RCE1: variants seen among roughly 807,000 people sequenced by gnomAD.
The protein encoded by RCE1 is Ras converting CAAX endopeptidase 1, also known as CAAX prenyl protease 2.
Under a neutral mutation model 35.0 loss-of-function variants are expected in RCE1, and 15 were observed. That is an observed-to-expected ratio of 0.43 (90% CI 0.29 to 0.66). The LOEUF is 0.66. Ranked by LOEUF, RCE1 falls within the 30% of genes least tolerant of loss-of-function variation. The probability of loss-of-function intolerance (pLI) is 0.17; values close to 1 mark genes in which losing one functional copy is unlikely to be tolerated. For missense variants in RCE1, 434 were observed against 433.0 expected, an observed-to-expected ratio of 1.00 and a Z score of -0.02; for synonymous variants, 261 against 192.7, an observed-to-expected ratio of 1.35 and a Z score of -2.94.
At chr11:66,845,602 G>A (rs1417483760) in intron 7 of RCE1, 40 bp downstream of exon 7, 1 of 1,611,722 alleles carries the variant, frequency 6.2e-7, no homozygotes, top group South Asian at 1.1e-5. Flanking sequence ...GGGGCCCACA[G>A]GAGCGGGTGG....
At position 66,843,781 on chromosome 11, in the gene RCE1, C is replaced by T; in HGVS notation, c.208C>T (p.Arg70Ter). ...LPRDHPAVIK[R>*]RFTSVLVVSS... The stretch of plus-strand genomic sequence containing the variant: ...TAGGGACCATCCCGCGGTCATCAAG[C>T]GACGCTTCACCAGCGTCCTGGTGGT... The change falls in exon 2 of 8, where the codon CGA becomes TGA. Residue 70 changes from arginine (R) to a stop codon, truncating the protein, a stop_gained. Coordinates refer to ENST00000309657, the MANE Select transcript of RCE1 (RefSeq NM_005133.3). LOFTEE classifies it high-confidence loss of function. 1 of 1,613,866 alleles carries T rather than the reference C, an allele frequency of 6.2e-7. No individual in the cohort carries two copies. The highest frequency in any genetic ancestry group is 8.5e-7 in the Non-Finnish European group (1 of 1,180,018).
Position 66,844,747 on chromosome 11 carries a change from A to G in RCE1, c.452-122A>G. On this transcript the variant is annotated intron_variant, in intron 4 of 7. Transcript: ENST00000309657. The stretch of plus-strand genomic sequence containing the variant: ...TTGGGTCCACACCCCCGTCCTCAGC[A>G]GTATTGATGCCTAACCTGAGTTTGG... The G allele has an allele frequency of 2.3e-6, 3 of 1,333,040 alleles. No homozygotes were observed. In the South Asian group the frequency reaches 4.9e-5, roughly 22 times the overall value. 82.6% of individuals were successfully genotyped at this position (1,333,040 alleles called of 1,614,324 possible).
intron 7 of RCE1, 28 bp downstream of exon 7, chr11:66,845,590 T>C (rs919092303): frequency 6.2e-7 from 1 of 1,613,680 alleles, no homozygotes; most frequent in South Asian, 1.1e-5. Flanking sequence ...CATGGGTCCC[T>C]GGGGGCCCAC....
rs1481384810 is a variant in RCE1 at position 66,843,559 on chromosome 11, G to A, written c.104G>A (p.Cys35Tyr). 6.4e-7 allele frequency: 1 copy of A among 1,573,366 alleles called. No individual in the cohort carries two copies. Residue 35 changes from cysteine (C) to tyrosine (Y), a missense_variant, in exon 1 of 8, where the codon TGC (cysteine) becomes TAC (tyrosine). Physicochemically the swap from Cys to Tyr is radical, Grantham distance 194. Coordinates refer to ENST00000309657, the MANE Select transcript of RCE1 (RefSeq NM_005133.3). ...ALGGLGPGLC[C>Y]WVSVFSCLSL... The stretch of plus-strand genomic sequence containing the variant: ...GGCGGCCTGGGCCCCGGGCTGTGCT[G>A]CTGGGTGTCAGTGTTCTCCTGCCTC...
chr11:66,844,130 G>A (rs1439439314), intron 3 of RCE1, 91 bp downstream of exon 3: 14 of 1,599,722 alleles, frequency 8.8e-6, no homozygotes, highest in African/African-American at 1.3e-5. Flanking sequence ...TTTGGTTGAT[G>A]GGAGACAGGA....
Position 66,846,312 on chromosome 11 carries a change from G to A in RCE1, c.*217G>A. ...AAGGGGTGTTTACGAGCAGCTGTGA[G>A]TGAGGGGACAAGGGGCAGGTCCCAG... On this transcript the variant is annotated 3_prime_UTR_variant, in exon 8 of 8. Coordinates refer to ENST00000309657, the MANE Select transcript of RCE1 (RefSeq NM_005133.3). 1 of 567,002 alleles carries A rather than the reference G, an allele frequency of 1.8e-6. No individual in the cohort carries two copies. Among genetic ancestry groups the A allele is most frequent in the South Asian group, 2.7e-5 (1 of 36,920 alleles). 35.1% of individuals were successfully genotyped at this position (567,002 alleles called of 1,614,324 possible). A position where few individuals can be genotyped will look rare whatever the true frequency, so the allele number is the denominator to read the frequency against.
At position 66,843,755 on chromosome 11, in the gene RCE1, G is replaced by C. The variant is rs777260015; in HGVS notation, c.186-4G>C. 6.2e-7 allele frequency: 1 copy of C among 1,613,328 alleles called. No homozygotes were observed. Among genetic ancestry groups the C allele is most frequent in the African/African-American group, 1.3e-5 (1 of 75,050 alleles). ...GCCCCCTGAACTTACTGTCCCCTCC[G>C]TAGGGACCATCCCGCGGTCATCAAG... On this transcript the variant is annotated splice_polypyrimidine_tract_variant and splice_region_variant and intron_variant, in intron 1 of 7. Transcript: ENST00000309657.
intron 1 of RCE1, 42 bp from the exon 2 acceptor site, chr11:66,843,717 T>G (rs747446423): frequency 3.5e-5 from 57 of 1,607,920 alleles, no homozygotes; most frequent in Non-Finnish European, 4.7e-5. Context: ...TCCGTGCTCA[T>G]GGGCAGCCGC....
Position 66,843,578 on chromosome 11 carries a change from C to G in RCE1, c.123C>G (p.Ser41=). Reference sequence around the variant, plus strand: ...TGTGCTGCTGGGTGTCAGTGTTCTCCTGCCTCAGCCTCGCCTGCTCCTACG... The same window carrying G: ...TGTGCTGCTGGGTGTCAGTGTTCTCGTGCCTCAGCCTCGCCTGCTCCTACG... ...PGLCCWVSVF[S]CLSLACSYVG... Residue 41 remains serine (S), a synonymous_variant, in exon 1 of 8, where the codon TCC becomes TCG. Transcript: ENST00000309657. The G allele has an allele frequency of 6.3e-7, 1 of 1,584,118 alleles. No individual in the cohort carries two copies. Among genetic ancestry groups the G allele is most frequent in the Non-Finnish European group, 8.5e-7 (1 of 1,172,890 alleles).
chr11:66,843,475 A>T lies in RCE1; in HGVS notation c.20A>T (p.Asp7Val). 2 of 1,443,288 alleles carry T rather than the reference A, an allele frequency of 1.4e-6. No homozygotes were observed. Among genetic ancestry groups the T allele is most frequent in the Non-Finnish European group, 1.8e-6 (2 of 1,111,396 alleles). 89.4% of individuals were successfully genotyped at this position (1,443,288 alleles called of 1,614,324 possible). MAALGG[D>V]GLRLLSVSRP... is the part of the protein sequence containing the mutation. Reference sequence around the variant, plus strand: ...GGCGCAATGGCGGCGCTGGGCGGGGATGGGCTGCGACTGCTGTCGGTGTCG... The same window carrying T: ...GGCGCAATGGCGGCGCTGGGCGGGGTTGGGCTGCGACTGCTGTCGGTGTCG... Residue 7 changes from aspartate (D) to valine (V), a missense_variant, in exon 1 of 8, where the codon GAT becomes GTT. Coordinates refer to ENST00000309657, the MANE Select transcript of RCE1 (RefSeq NM_005133.3).
Position 66,844,850 on chromosome 11 carries a change from T to C in RCE1, c.452-19T>C, listed in dbSNP as rs534361272. On this transcript the variant is annotated intron_variant, in intron 4 of 7. Coordinates refer to ENST00000309657, the MANE Select transcript of RCE1 (RefSeq NM_005133.3). ...CTGACAGCCCGTCACTCACAGCTTGTCCTGAATTCCCTCTGCAGCCCCCCG... is the reference window on the plus strand; with the variant it reads ...CTGACAGCCCGTCACTCACAGCTTGCCCTGAATTCCCTCTGCAGCCCCCCG... 6.6e-6 allele frequency: 10 copies of C among 1,516,338 alleles called. No homozygotes were observed. 93.9% of individuals were successfully genotyped at this position (1,516,338 alleles called of 1,614,324 possible).
At position 66,846,137 on chromosome 11, in the gene RCE1, A is replaced by G. The variant is rs201111635; in HGVS notation, c.*42A>G. 6.5e-7 allele frequency: 1 copy of G among 1,534,898 alleles called. No homozygotes were observed. Among genetic ancestry groups the G allele is most frequent in the Non-Finnish European group, 8.7e-7 (1 of 1,144,116 alleles). ...CGCTATGAACTCTCACCGGCTCCCC[A>G]GCCCTCCCCACCAAGGGGTACTGCA... is the stretch of plus-strand genomic sequence containing the variant. On this transcript the variant is annotated 3_prime_UTR_variant, in exon 8 of 8. Coordinates refer to ENST00000309657, the MANE Select transcript of RCE1 (RefSeq NM_005133.3).
chr11:66,843,901 C>CT (rs1945147488), intron 2 of RCE1, 40 bp downstream of exon 2: 2 of 1,613,986 alleles, frequency 1.2e-6, no homozygotes, highest in Admixed American at 3.3e-5. Flanking sequence ...GCGGTGAGAG[C>CT]TCAGGGGTCT....
chr11:66,843,655 C>T lies in RCE1; in HGVS notation c.185+15C>T, dbSNP rs1945137173. ...GAACTGCCCAGGTGCGGGGGCTGCG[C>T]GCGACCGGAATCCGCGCCCTGCGGG... On this transcript the variant is annotated intron_variant, in intron 1 of 7. Transcript: ENST00000309657. The T allele has an allele frequency of 1.2e-6, 2 of 1,603,248 alleles. No individual in the cohort carries two copies. The highest frequency in any genetic ancestry group is 1.7e-6 in the Non-Finnish European group (2 of 1,176,584).
At chr11:66,844,100 G>A in intron 3 of RCE1, 61 bp downstream of exon 3, 6 of 1,611,008 alleles carry the variant, frequency 3.7e-6, no homozygotes, top group East Asian at 2.2e-5. Context: ...GGGCAGTGCC[G>A]TGGACTCTTG....
At position 66,846,091 on chromosome 11, in the gene RCE1, C is replaced by T; in HGVS notation, c.986C>T (p.Ser329Phe). 6.2e-7 allele frequency: 1 copy of T among 1,606,050 alleles called. No individual in the cohort carries two copies. Among genetic ancestry groups the T allele is most frequent in the Non-Finnish European group, 8.5e-7 (1 of 1,177,104 alleles). ...GGGGACTCAGAGGCTCCCCTGTGCT[C>T]CTGACCTATGCTCCTGGATACGCTA... ...RAGDSEAPLC[S>F] The change falls in exon 8 of 8, where the codon TCC (serine) becomes TTC (phenylalanine). Residue 329 changes from serine to phenylalanine, a missense_variant. Coordinates refer to ENST00000309657, the MANE Select transcript of RCE1 (RefSeq NM_005133.3).
Position 66,843,604 on chromosome 11 carries a change from T to G in RCE1, c.149T>G (p.Val50Gly). 1 of 1,595,548 alleles carries G rather than the reference T, an allele frequency of 6.3e-7. No individual in the cohort carries two copies. The highest frequency in any genetic ancestry group is 8.5e-7 in the Non-Finnish European group (1 of 1,176,350). The change falls in exon 1 of 8, where the codon GTG becomes GGG. Residue 50 changes from valine (V) to glycine (G), a missense_variant. By Grantham distance (109) the Val-to-Gly change is moderately radical. Transcript: ENST00000309657. ...TGCCTCAGCCTCGCCTGCTCCTACG[T>G]GGGCAGCCTCTACGTCTGGAAGAGC... is the stretch of plus-strand genomic sequence containing the variant. ...FSCLSLACSY[V>G]GSLYVWKSEL...
At position 66,844,734 on chromosome 11, in the gene RCE1, C is replaced by T. The variant is rs1250144744; in HGVS notation, c.452-135C>T. 2.7e-5 allele frequency: 34 copies of T among 1,270,868 alleles called. No individual in the cohort carries two copies. In the East Asian group the frequency reaches 2.9e-4, roughly 11 times the overall value. 78.7% of individuals were successfully genotyped at this position (1,270,868 alleles called of 1,614,324 possible). A position where few individuals can be genotyped will look rare whatever the true frequency, so the allele number is the denominator to read the frequency against. ...CATTGGGTTTATGTTGGGTCCACAC[C>T]CCCGTCCTCAGCAGTATTGATGCCT... On this transcript the variant is annotated intron_variant, in intron 4 of 7. Transcript: ENST00000309657.
At chr11:66,844,581 T>A in intron 4 of RCE1, 1 of 745,696 alleles carries the variant, frequency 1.3e-6, no homozygotes, top group Non-Finnish European at 2.1e-6. Flanking sequence ...GTATTTGGTG[T>A]GGATCAGAGA....
Sources: allele counts gnomAD v4.1 joint callset, GRCh38; gene constraint gnomAD v4.1.1; transcripts MANE v1.5; gene names NCBI Gene and HGNC (gene_info 2026-07-23, HGNC 2026-07-21).